SBF2: variants seen among roughly 807,000 people sequenced by gnomAD.
The protein encoded by SBF2 is SET binding factor 2.
Under a neutral mutation model 225.2 loss-of-function variants are expected in SBF2, and 112 were observed. The ratio of observed to expected loss-of-function variants is 0.50; its 90% CI spans 0.43 to 0.58. SBF2 has a LOEUF of 0.58. Among genes scored for constraint, SBF2 ranks in the 20% least tolerant of loss-of-function variants. The probability of loss-of-function intolerance (pLI) is 0.00; values close to 1 mark genes in which losing one functional copy is unlikely to be tolerated. For missense variants in SBF2, 1,996 were observed against 2,206.2 expected, an observed-to-expected ratio of 0.90 and a Z score of 1.91; for synonymous variants, 763 against 773.3, an observed-to-expected ratio of 0.99 and a Z score of 0.22.
At chr11:10,227,190 T>A (rs1209914393) in intron 1 of SBF2, among the ~76,000 whole-genome samples, 1 of 152,198 alleles carries the variant, frequency 6.6e-6, no homozygotes, top group Non-Finnish European at 1.5e-5. Context: ...CTTGTAAATT[T>A]GTTTGAGTTC....
intron 1 of SBF2, among the ~76,000 whole-genome samples, chr11:10,227,834 G>T (rs956613427): frequency 6.6e-6 from 1 of 151,876 alleles, no homozygotes; most frequent in Admixed American, 6.6e-5. Flanking sequence ...GAACTTTAAA[G>T]TAGTTTTTTC....
chr11:9,902,830 G>A (rs1460530864), intron 16 of SBF2, among the ~76,000 whole-genome samples: 1 of 152,094 alleles, frequency 6.6e-6, no homozygotes, highest in Non-Finnish European at 1.5e-5. Flanking sequence ...GTGGATTGGA[G>A]TTAGATTTTG....
intron 16 of SBF2, among the ~76,000 whole-genome samples, chr11:9,941,327 TA>T (rs955112579): frequency 1.4e-5 from 2 of 147,574 alleles, no homozygotes; most frequent in African/African-American, 5.0e-5. Flanking sequence ...GTCTCTTCAG[TA>T]AAAATAAAAA....
At chr11:10,076,270 A>G (rs1661204657) in intron 2 of SBF2, among the ~76,000 whole-genome samples, 1 of 152,220 alleles carries the variant, frequency 6.6e-6, no homozygotes, top group Admixed American at 6.5e-5. Flanking sequence ...ATGGCAGTAG[A>G]AAGTGCTCCA....
intron 2 of SBF2, among the ~76,000 whole-genome samples, chr11:10,076,383 G>A (rs1951109861): frequency 6.6e-6 from 1 of 152,216 alleles, no homozygotes; most frequent in Non-Finnish European, 1.5e-5. Flanking sequence ...ACACTGGTTT[G>A]GAGAATCTTC....
intron 17 of SBF2, among the ~76,000 whole-genome samples, chr11:9,882,545 A>C (rs1297790864): frequency 6.6e-6 from 1 of 152,156 alleles, no homozygotes; most frequent in Non-Finnish European, 1.5e-5. Context: ...ATGGTGGCTC[A>C]TGTCTGTAAT....
chr11:10,229,180 T>C (rs1272783671), intron 1 of SBF2, among the ~76,000 whole-genome samples: 2 of 152,216 alleles, frequency 1.3e-5, no homozygotes, highest in Non-Finnish European at 2.9e-5. Context: ...TGTCATTTTT[T>C]ATTGCATCTA....
intron 2 of SBF2, among the ~76,000 whole-genome samples, chr11:10,130,697 C>T (rs780040739): frequency 9.9e-5 from 15 of 152,110 alleles, no homozygotes; most frequent in Admixed American, 2.0e-4. Flanking sequence ...CACCCAACCC[C>T]GCCCCCACAA....
At chr11:9,788,027 C>G in intron 35 of SBF2, 1 of 426,274 alleles carries the variant, frequency 2.3e-6, no homozygotes, top group Admixed American at 3.5e-5. Context: ...CATCTGCACC[C>G]TTGGGCAGCC....
chr11:10,179,472 G>A (rs1956638125), intron 2 of SBF2, among the ~76,000 whole-genome samples: 1 of 152,054 alleles, frequency 6.6e-6, no homozygotes, highest in South Asian at 2.1e-4. Flanking sequence ...AATGATCCAT[G>A]TGCTGAGGAG....
chr11:9,913,464 A>T (rs1862814114), intron 16 of SBF2, among the ~76,000 whole-genome samples: 2 of 152,110 alleles, frequency 1.3e-5, no homozygotes, highest in African/African-American at 4.8e-5. Flanking sequence ...TGGGAATGAG[A>T]CTAGTATAAT....
At chr11:9,994,033 TA>T in intron 9 of SBF2, 35 bp from the exon 10 acceptor site, 2 of 1,153,760 alleles carry the variant, frequency 1.7e-6, no homozygotes, top group South Asian at 1.2e-5. Flanking sequence ...TAAAATATCA[TA>T]ATATCAATGA....
chr11:10,120,446 G>C (rs982999848), intron 2 of SBF2, among the ~76,000 whole-genome samples: 3 of 152,160 alleles, frequency 2.0e-5, no homozygotes, highest in Non-Finnish European at 4.4e-5. Flanking sequence ...ACACCCAAAA[G>C]TGGAATTGTT....
chr11:9,819,013 C>A (rs1276584477), intron 28 of SBF2, among the ~76,000 whole-genome samples: 1 of 152,198 alleles, frequency 6.6e-6, no homozygotes, highest in Non-Finnish European at 1.5e-5. Flanking sequence ...CGAGCCACCA[C>A]ACCCGGCTGC....
chr11:9,986,435 G>C (rs2134450564), intron 13 of SBF2, among the ~76,000 whole-genome samples: 1 of 152,100 alleles, frequency 6.6e-6, no homozygotes, highest in Non-Finnish European at 1.5e-5. Context: ...ACCAGGATCA[G>C]AGCAGAACTA....
At chr11:9,893,012 G>A (rs977810357) in intron 17 of SBF2, among the ~76,000 whole-genome samples, 4 of 152,134 alleles carry the variant, frequency 2.6e-5, no homozygotes, top group Non-Finnish European at 5.9e-5. Context: ...GATGTTGCCT[G>A]TTATAGTAGC....
At chr11:9,795,399 T>C (rs1035983952) in intron 33 of SBF2, among the ~76,000 whole-genome samples, 2 of 152,154 alleles carry the variant, frequency 1.3e-5, no homozygotes, top group Non-Finnish European at 2.9e-5. Flanking sequence ...GAGAGGTACT[T>C]AACCCCTCCC....
intron 29 of SBF2, among the ~76,000 whole-genome samples, chr11:9,813,727 A>G (rs936223437): frequency 6.6e-6 from 1 of 152,172 alleles, no homozygotes; most frequent in African/African-American, 2.4e-5. Flanking sequence ...AGATTACCTG[A>G]GGTCAGGAGT....
Position 9,832,213 on chromosome 11 carries a change from G to C in SBF2, c.3652+11C>G. 6.2e-7 allele frequency: 1 copy of C among 1,609,946 alleles called. No individual in the cohort carries two copies. The highest frequency in any genetic ancestry group is 8.5e-7 in the Non-Finnish European group (1 of 1,176,254). The stretch of plus-strand genomic sequence containing the variant: ...GAACGGGTGGTAATTGTGTTATAGA[G>C]AGATGCTTACCGGCCTGAGGGGAGT... On this transcript the variant is annotated intron_variant, in intron 27 of 39. Coordinates refer to ENST00000256190, the MANE Select transcript of SBF2 (RefSeq NM_030962.4).
Sources: allele counts gnomAD v4.1 joint callset (sites outside exome capture counted in the v4.1 genomes callset), GRCh38; gene constraint gnomAD v4.1.1; transcripts MANE v1.5; gene names NCBI Gene and HGNC (gene_info 2026-07-23, HGNC 2026-07-21).